METTL4: variants seen among roughly 807,000 people sequenced by gnomAD.
METTL4 encodes the protein methyltransferase 4, N6-adenosine.
METTL4 carries 40 observed loss-of-function variants against 54.0 expected under a neutral mutation model. That is an observed-to-expected ratio of 0.74 (90% CI 0.58 to 0.96). METTL4 has a LOEUF of 0.96. Ranked by LOEUF, METTL4 falls within the 50% of genes least tolerant of loss-of-function variation. The probability of loss-of-function intolerance (pLI) is 0.00; values close to 1 mark genes in which losing one functional copy is unlikely to be tolerated. For missense variants in METTL4, 525 were observed against 549.0 expected (o/e 0.96, Z 0.44); for synonymous variants, 169 against 183.8 (o/e 0.92, Z 0.65).
Position 2,537,729 on chromosome 18 carries a change from T to C in METTL4, c.*1271A>G. ...AAAGAATCATTTCAGTCTAACATTTTACTTAGTGGATAAATATTTGTCAAC... is the reference window on the plus strand; with the variant it reads ...AAAGAATCATTTCAGTCTAACATTTCACTTAGTGGATAAATATTTGTCAAC... On this transcript the variant is annotated 3_prime_UTR_variant, in exon 9 of 9. Transcript: ENST00000574538. The C allele has an allele frequency of 5.0e-6, 2 of 396,584 alleles. No individual in the cohort carries two copies. The highest frequency in any genetic ancestry group is 8.9e-6 in the Non-Finnish European group (2 of 225,206). 24.6% of individuals were successfully genotyped at this position (396,584 alleles called of 1,614,324 possible). A position where few individuals can be genotyped will look rare whatever the true frequency, so the allele number is the denominator to read the frequency against.
chr18:2,541,987 C>G (rs1048445561), intron 8 of METTL4, among the ~76,000 whole-genome samples: 1 of 151,944 alleles, frequency 6.6e-6, no homozygotes, highest in Admixed American at 6.6e-5. Context: ...GTAACATGAA[C>G]TCAAAAATAA....
intron 5 of METTL4, among the ~76,000 whole-genome samples, chr18:2,547,772 T>C (rs913357949): frequency 1.3e-5 from 2 of 152,166 alleles, no homozygotes; most frequent in African/African-American, 4.8e-5. Flanking sequence ...CACTTCTAAA[T>C]GCATTACATT....
intron 2 of METTL4, among the ~76,000 whole-genome samples, chr18:2,566,046 C>CAAAAAAAAAAA (rs143395336): frequency 1.2e-5 from 1 of 82,866 alleles, no homozygotes. Flanking sequence ...GACTCTGTCT[C>CAAAAAAAAAAA]AAATAAATAA....
At chr18:2,553,432 T>C (rs1037294967) in intron 4 of METTL4, 1 of 152,258 alleles carries the variant, frequency 6.6e-6, no homozygotes, top group Non-Finnish European at 1.5e-5. Context: ...TGCCATGCCC[T>C]ATCAGTGCAA....
Position 2,555,013 on chromosome 18 carries a change from G to T in METTL4, c.485C>A (p.Ser162Tyr), listed in dbSNP as rs573252947. The change falls in exon 4 of 9, where the codon TCT becomes TAT. Residue 162 changes from serine to tyrosine, a missense_variant. Transcript: ENST00000574538. ...TKIRELILDG[S>Y]LQLIQEGLKS... Reference sequence around the variant, plus strand: ...GAGACCTTCCTGGATCAACTGTAAAGATCCATCCAAAATCAGCTCCCTGAT... The same window carrying T: ...GAGACCTTCCTGGATCAACTGTAAATATCCATCCAAAATCAGCTCCCTGAT... 1.2e-6 allele frequency: 2 copies of T among 1,613,710 alleles called. No homozygotes were observed. Among genetic ancestry groups the T allele is most frequent in the East Asian group, 4.5e-5 (2 of 44,868 alleles).
chr18:2,565,798 G>A (rs879939674), intron 2 of METTL4, among the ~76,000 whole-genome samples: 5 of 152,068 alleles, frequency 3.3e-5, no homozygotes, highest in Admixed American at 1.3e-4. Flanking sequence ...GAGGCCGGGT[G>A]CAGTGGCTCA....
intron 4 of METTL4, 143 bp downstream of exon 4, chr18:2,554,526 A>T: frequency 1.4e-6 from 1 of 715,228 alleles, no homozygotes; most frequent in Non-Finnish European, 2.3e-6. Context: ...TTAAAATTAA[A>T]CCTAAGAGAC....
intron 2 of METTL4, among the ~76,000 whole-genome samples, chr18:2,565,917 A>G (rs575959781): frequency 2.1e-4 from 32 of 151,892 alleles, no homozygotes; most frequent in Admixed American, 3.3e-4. Context: ...CGTGGTGGCA[A>G]GCGCCTGTAG....
chr18:2,559,378 C>A (rs2072282695), intron 3 of METTL4, among the ~76,000 whole-genome samples: 1 of 150,842 alleles, frequency 6.6e-6, no homozygotes, highest in African/African-American at 2.4e-5. Flanking sequence ...TGTGATTTAA[C>A]TTACATGAGG....
intron 3 of METTL4, among the ~76,000 whole-genome samples, chr18:2,558,328 A>G (rs889300247): frequency 1.3e-5 from 2 of 152,234 alleles, no homozygotes; most frequent in Non-Finnish European, 2.9e-5. Context: ...AGATAAACTC[A>G]TTACCTGGAA....
At chr18:2,552,267 C>T (rs1015289963) in intron 5 of METTL4, among the ~76,000 whole-genome samples, 3 of 151,782 alleles carry the variant, frequency 2.0e-5, no homozygotes, top group Non-Finnish European at 4.4e-5. Context: ...GAAATATCAC[C>T]TTAGTAAATA....
chr18:2,562,794 A>T (rs990811452), intron 3 of METTL4, among the ~76,000 whole-genome samples: 4 of 152,150 alleles, frequency 2.6e-5, no homozygotes, highest in Non-Finnish European at 5.9e-5. Context: ...GTTATTAAAT[A>T]ATGGTAGAGT....
At position 2,547,504 on chromosome 18, in the gene METTL4, T is replaced by C. The variant is rs779395493; in HGVS notation, c.925A>G (p.Ile309Val). ...AATTTAGGGATAGGTATTTGCTGTA[T>C]TTGCAGGGGTGACAAATAACTGTAC... The part of the protein sequence containing the change: ...NRYSYLSPLQ[I>V]QQIPIPKLAA... The change falls in exon 6 of 9, where the codon ATA becomes GTA. Residue 309 changes from isoleucine (I) to valine (V), a missense_variant. Ile to Val is a conservative substitution (Grantham distance 29). Transcript: ENST00000574538. 17 of 1,589,422 alleles carry C rather than the reference T, an allele frequency of 1.1e-5. No homozygotes were observed. The highest frequency in any genetic ancestry group is 1.7e-4 in the Middle Eastern group (1 of 5,960).
chr18:2,540,074 C>G, intron 8 of METTL4: 1 of 977,640 alleles, frequency 1.0e-6, no homozygotes, highest in Non-Finnish European at 1.2e-6. Flanking sequence ...GTTAAGTATT[C>G]CTTGTATTAT....
intron 3 of METTL4, among the ~76,000 whole-genome samples, chr18:2,556,403 C>G (rs2072239706): frequency 6.6e-6 from 1 of 151,904 alleles, no homozygotes. Flanking sequence ...GAAACTTTTT[C>G]TGAGAAAAAA....
intron 3 of METTL4, among the ~76,000 whole-genome samples, chr18:2,556,303 G>GA (rs34077307): frequency 0.077 from 11,399 of 147,166 alleles, 779 homozygotes; most frequent in African/African-American, 0.19. Flanking sequence ...CGGCAATTGG[G>GA]AAAAAAAAAA....
chr18:2,564,247 C>A (rs375195369), intron 2 of METTL4, among the ~76,000 whole-genome samples: 38 of 142,380 alleles, frequency 2.7e-4, no homozygotes, highest in Non-Finnish European at 2.3e-4. Context: ...ACTAAAAATA[C>A]AAAAAAAAAA....
chr18:2,544,327 A>G lies in METTL4; in HGVS notation c.1182-41T>C, dbSNP rs371820595. 3.4e-6 allele frequency: 5 copies of G among 1,453,648 alleles called. No homozygotes were observed. The African/African-American group carries it at 7.2e-5, about 21-fold the overall frequency. 90.0% of individuals were successfully genotyped at this position (1,453,648 alleles called of 1,614,324 possible). On this transcript the variant is annotated intron_variant, in intron 7 of 8. Coordinates refer to ENST00000574538, the MANE Select transcript of METTL4 (RefSeq NM_022840.5). ...AAGAAAGTAAACTATATTTTAAAAA[A>G]CAATTTTCTATACATAAGCCACAGC...
At chr18:2,550,981 G>A (rs574843222) in intron 5 of METTL4, among the ~76,000 whole-genome samples, 1 of 150,532 alleles carries the variant, frequency 6.6e-6, no homozygotes, top group Non-Finnish European at 1.5e-5. Flanking sequence ...TGGCTAACAT[G>A]GTGAAACCCC....
Sources: allele counts gnomAD v4.1 joint callset (sites outside exome capture counted in the v4.1 genomes callset), GRCh38; gene constraint gnomAD v4.1.1; transcripts MANE v1.5; gene names NCBI Gene and HGNC (gene_info 2026-07-23, HGNC 2026-07-21).